PDCD6IP: variants seen among roughly 807,000 people sequenced by gnomAD.
PDCD6IP encodes programmed cell death 6-interacting protein.
Under a neutral mutation model 103.7 loss-of-function variants are expected in PDCD6IP, and 43 were observed. The observed-to-expected ratio is 0.41, with a 90% CI of 0.32 to 0.53. The LOEUF is 0.53. Among genes scored for constraint, PDCD6IP ranks in the 20% least tolerant of loss-of-function variants. The pLI is 0.16. For synonymous variants in PDCD6IP, 354 were observed against 378.7 expected (o/e 0.93, Z 0.76); for missense variants, 871 against 1,036.7 (o/e 0.84, Z 2.20).
chr3:33,853,594 A>G (rs1697765336), intron 13 of PDCD6IP, among the ~76,000 whole-genome samples: 1 of 152,160 alleles, frequency 6.6e-6, no homozygotes, highest in African/African-American at 2.4e-5. Context: ...AATAACTCCA[A>G]AAGGTAAAAT....
At chr3:33,843,381 CTGG>C (rs1207879838) in intron 10 of PDCD6IP, among the ~76,000 whole-genome samples, 1 of 152,188 alleles carries the variant, frequency 6.6e-6, no homozygotes, top group Non-Finnish European at 1.5e-5. Context: ...AACTACACAG[CTGG>C]TGAACTATGG....
chr3:33,832,828 T>A (rs1033303640), intron 7 of PDCD6IP, among the ~76,000 whole-genome samples: 2 of 152,170 alleles, frequency 1.3e-5, no homozygotes, highest in Non-Finnish European at 2.9e-5. Flanking sequence ...CTTGCTTGTT[T>A]CCTAAATTTT....
In PDCD6IP at chr3:33,798,901, T is replaced by C. The variant is rs1696397575; in HGVS notation, c.173T>C (p.Leu58Pro). 3.9e-6 allele frequency: 6 copies of C among 1,544,758 alleles called. No individual in the cohort carries two copies. Among genetic ancestry groups the C allele is most frequent in the Admixed American group, 2.0e-5 (1 of 50,886 alleles). ...KLRRAAVGRP[L>P]DKHEGALETL... ...CGCCGCGCCGCAGTCGGTCGTCCGCTGGACAAGCACGAGGGCGCGCTCGAG... is the reference window on the plus strand; with the variant it reads ...CGCCGCGCCGCAGTCGGTCGTCCGCCGGACAAGCACGAGGGCGCGCTCGAG... Residue 58 changes from leucine (L) to proline (P), a missense_variant, in exon 1 of 18, where the codon CTG becomes CCG. By Grantham distance (98) the Leu-to-Pro change is moderately conservative. This residue lies in a region of PDCD6IP where 114 missense variants were observed against 106.7 expected (regional missense o/e 1.07). Transcript: ENST00000307296.
At chr3:33,803,546 A>G (rs972702110) in intron 1 of PDCD6IP, among the ~76,000 whole-genome samples, 5 of 152,226 alleles carry the variant, frequency 3.3e-5, no homozygotes, top group Admixed American at 6.5e-5. Context: ...TTCATTAGGT[A>G]TGTTGCAAAA....
At chr3:33,829,233 C>T (rs1398629333) in intron 7 of PDCD6IP, among the ~76,000 whole-genome samples, 2 of 151,806 alleles carry the variant, frequency 1.3e-5, no homozygotes, top group Non-Finnish European at 2.9e-5. Context: ...AATTAATTGC[C>T]ATCTCCAGAT....
intron 7 of PDCD6IP, among the ~76,000 whole-genome samples, chr3:33,831,445 T>G (rs1358933413): frequency 6.6e-6 from 1 of 152,136 alleles, no homozygotes; most frequent in Non-Finnish European, 1.5e-5. Flanking sequence ...TGAGGGCTTA[T>G]AACATCTAAC....
intron 10 of PDCD6IP, 54 bp downstream of exon 10, chr3:33,842,128 CCAG>C: frequency 1.9e-6 from 2 of 1,040,464 alleles, no homozygotes; most frequent in South Asian, 3.0e-5. Context: ...CCCTTGATGT[CCAG>C]CAGGGATTGG....
intron 17 of PDCD6IP, 71 bp from the exon 18 acceptor site, chr3:33,866,280 C>A: frequency 1.0e-6 from 1 of 998,310 alleles, no homozygotes; most frequent in Non-Finnish European, 1.4e-6. Context: ...AAACGTAGTT[C>A]TAGAATGATT....
In PDCD6IP at chr3:33,851,835, G is replaced by T. The variant is rs1228672003; in HGVS notation, c.1642-653G>T. ...CTCTCCCAGTATATAAAATAAATGT[G>T]GTATATACACTTATATCTGTATCTT... On this transcript the variant is annotated intron_variant, in intron 12 of 17. Coordinates refer to ENST00000307296, the MANE Select transcript of PDCD6IP (RefSeq NM_013374.6). Among the ~76,000 whole-genome samples the T allele has an allele frequency of 2.6e-5, 4 of 152,146 alleles. No individual in the cohort carries two copies. The South Asian group carries it at 6.3e-4, about 24-fold the overall frequency.
At chr3:33,813,859 T>C (rs1696771498) in intron 3 of PDCD6IP, among the ~76,000 whole-genome samples, 1 of 152,224 alleles carries the variant, frequency 6.6e-6, no homozygotes, top group South Asian at 2.1e-4. Flanking sequence ...TACTTAGTTT[T>C]TGGGAAGATA....
chr3:33,838,215 A>G lies in PDCD6IP; in HGVS notation c.1069A>G (p.Lys357Glu). The G allele has an allele frequency of 6.2e-7, 1 of 1,613,362 alleles. No individual in the cohort carries two copies. Among genetic ancestry groups the G allele is most frequent in the Non-Finnish European group, 8.5e-7 (1 of 1,179,724 alleles). Residue 357 changes from lysine to glutamate, a missense_variant, in exon 9 of 18, where the codon AAG becomes GAG. Lys to Glu is a moderately conservative substitution (Grantham distance 56). Around this residue, in one of 5 missense-constraint regions of PDCD6IP, gnomAD observed 242 missense variants for 250.7 expected, o/e 0.97. Transcript: ENST00000307296. ...ISQKFTDLFE[K>E]MVPVSVQQSL... is the part of the protein sequence containing the mutation. Reference sequence around the variant, plus strand: ...CTTCCTAATTTTAGATCTGTTTGAGAAGATGGTTCCCGTGTCAGTACAGCA... The same window carrying G: ...CTTCCTAATTTTAGATCTGTTTGAGGAGATGGTTCCCGTGTCAGTACAGCA...
At chr3:33,813,867 A>T (rs181862755) in intron 3 of PDCD6IP, among the ~76,000 whole-genome samples, 3 of 152,206 alleles carry the variant, frequency 2.0e-5, no homozygotes, top group Non-Finnish European at 4.4e-5. Context: ...TTTTGGGAAG[A>T]TAGTTGATCA....
chr3:33,849,162 A>G (rs1697660904), intron 12 of PDCD6IP, among the ~76,000 whole-genome samples: 1 of 152,202 alleles, frequency 6.6e-6, no homozygotes. Flanking sequence ...AGGTGATGCC[A>G]TTCCTGCCAT....
intron 6 of PDCD6IP, chr3:33,827,160 T>C (rs1423656508): frequency 9.1e-6 from 9 of 984,404 alleles, no homozygotes; most frequent in Non-Finnish European, 1.1e-5. Flanking sequence ...TGTAAACCTT[T>C]CTGAAGTGAC....
intron 15 of PDCD6IP, among the ~76,000 whole-genome samples, chr3:33,857,111 T>C (rs532170197): frequency 1.3e-5 from 2 of 152,312 alleles, no homozygotes; most frequent in East Asian, 1.9e-4. Flanking sequence ...TAGTTGTTTT[T>C]AGAATATTTC....
chr3:33,812,162 A>G (rs1371469904), intron 2 of PDCD6IP, 36 bp downstream of exon 2: 27 of 1,579,134 alleles, frequency 1.7e-5, no homozygotes, highest in Non-Finnish European at 2.3e-5. Flanking sequence ...TTATATGGTA[A>G]TAGCACCCAT....
In PDCD6IP at chr3:33,849,806, A is replaced by C. The variant is rs141090173; in HGVS notation, c.1642-2682A>C. On this transcript the variant is annotated intron_variant, in intron 12 of 17. Coordinates refer to ENST00000307296, the MANE Select transcript of PDCD6IP (RefSeq NM_013374.6). The stretch of plus-strand genomic sequence containing the variant: ...AATGAGGCCAGTGCCTTATAATCTG[A>C]AATATGTTAAACTAGTGTACTGCAT... Among the ~76,000 whole-genome samples, 640 of 152,344 alleles carry C rather than the reference A, an allele frequency of 4.2e-3. 4 individuals carry two copies. Among genetic ancestry groups the C allele is most frequent in the African/African-American group, 0.014 (597 of 41,572 alleles).
At position 33,814,225 on chromosome 3, in the gene PDCD6IP, A is replaced by G. The variant is rs113740201; in HGVS notation, c.334+597A>G. On this transcript the variant is annotated intron_variant, in intron 3 of 17. Transcript: ENST00000307296. ...AGTGGCACGATCTTGGCTCACTGCAACCTCTGCCTACTGGGTTCAAGTGAT... is the reference window on the plus strand; with the variant it reads ...AGTGGCACGATCTTGGCTCACTGCAGCCTCTGCCTACTGGGTTCAAGTGAT... 2.5e-3 allele frequency among the ~76,000 whole-genome samples: 384 copies of G among 151,232 alleles called. 2 individuals are homozygous for G. The highest frequency in any genetic ancestry group is 8.7e-3 in the African/African-American group (357 of 41,150).
chr3:33,801,298 TTAATGAACTTTTTAAAC>T (rs1696471099), intron 1 of PDCD6IP, among the ~76,000 whole-genome samples: 1 of 152,216 alleles, frequency 6.6e-6, no homozygotes, highest in African/African-American at 2.4e-5. Context: ...ATTTTTTAAC[TTAATGAACTTTTTAAAC>T]TAATGAACTT....
Sources: gnomAD v4.1 joint callset for allele counts (sites outside exome capture counted in the v4.1 genomes callset) on GRCh38, gnomAD v4.1.1 for gene constraint, gnomAD v4.1.1 regional missense constraint, MANE v1.5 for transcripts, NCBI Gene and HGNC (gene_info 2026-07-23, HGNC 2026-07-21) for gene names.